The following FAM199X variants were observed in gnomAD, a reference collection of about 807,000 sequenced individuals.
The protein encoded by FAM199X is protein FAM199X.
FAM199X carries 4 observed loss-of-function variants against 22.9 expected under a neutral mutation model. That is an observed-to-expected ratio of 0.17 (90% confidence interval 0.09 to 0.40). The LOEUF (loss-of-function observed/expected upper bound fraction) is 0.40, where lower values mean the gene tolerates loss of function less well. Among genes scored for constraint, FAM199X ranks in the 10% least tolerant of loss-of-function variants. The probability of loss-of-function intolerance (pLI) is 1.00; values close to 1 mark genes in which losing one functional copy is unlikely to be tolerated. For synonymous variants in FAM199X, 101 were observed against 112.3 expected (o/e 0.90, Z 0.64); for missense variants, 183 against 306.8 (o/e 0.60, Z 3.01).
intron 2 of FAM199X, among the ~76,000 whole-genome samples, chrX:104,181,320 G>A (rs1169012817): frequency 8.9e-6 from 1 of 112,170 alleles, no homozygotes; most frequent in Non-Finnish European, 1.9e-5. Context: ...CTGAAATATA[G>A]TATCAGTTAT....
intron 1 of FAM199X, among the ~76,000 whole-genome samples, chrX:104,169,200 T>A (rs1921291731): frequency 9.0e-6 from 1 of 111,667 alleles, no homozygotes; most frequent in Non-Finnish European, 1.9e-5. Flanking sequence ...TATTTTGGAG[T>A]TGTATGTGTC....
In FAM199X at chrX:104,166,781, C is replaced by A. The variant is rs1556374006; in HGVS notation, c.-5C>A. The A allele has an allele frequency of 8.3e-7, 1 of 1,200,055 alleles. No homozygotes were observed. The highest frequency in any genetic ancestry group is 1.1e-6 in the Non-Finnish European group (1 of 890,015). ...GAGGGAGCCCGAGCCAGGCCATCTC[C>A]AACCATGTCCGACGAGGCCTCGGCC... On this transcript the variant is annotated 5_prime_UTR_variant, in exon 1 of 6. Transcript: ENST00000493442.
intron 2 of FAM199X, among the ~76,000 whole-genome samples, chrX:104,184,647 G>A (rs1921749587): frequency 9.0e-6 from 1 of 110,799 alleles, no homozygotes; most frequent in Admixed American, 9.6e-5. Flanking sequence ...TTGATTTTCT[G>A]TATGTTAGGC....
At chrX:104,184,513 A>G (rs902591992) in intron 2 of FAM199X, among the ~76,000 whole-genome samples, 1 of 111,993 alleles carries the variant, frequency 8.9e-6, no homozygotes. Flanking sequence ...TTTGGAGGTA[A>G]TGGATATATT....
rs191958744 is a variant in FAM199X, at chrX:104,174,961, G to A, written c.198-662G>A. Among the ~76,000 whole-genome samples the A allele has an allele frequency of 2.8e-3, 316 of 111,724 alleles. 3 individuals carry two copies. The highest frequency in any genetic ancestry group is 4.7e-3 in the Non-Finnish European group (251 of 53,113). On this transcript the variant is annotated intron_variant, in intron 1 of 5. Coordinates refer to ENST00000493442, the MANE Select transcript of FAM199X (RefSeq NM_207318.4). ...AAATACTTCTTGAACATCTACCTGT[G>A]TAGATGCTTGTTAGTGCTTTTCTCT...
chrX:104,174,880 A>G (rs1556376103), intron 1 of FAM199X, among the ~76,000 whole-genome samples: 5 of 112,088 alleles, frequency 4.5e-5, no homozygotes, highest in South Asian at 3.7e-4. Context: ...TTTCTTTCCA[A>G]CATCTTTGCA....
At chrX:104,185,996 T>C (rs927732344) in intron 2 of FAM199X, 70 bp from the exon 3 acceptor site, 2 of 990,013 alleles carry the variant, frequency 2.0e-6, no homozygotes, top group East Asian at 3.1e-5. Context: ...GGAAAATATA[T>C]TGTAGTATTT....
chrX:104,173,301 G>A (rs1226140091), intron 1 of FAM199X, among the ~76,000 whole-genome samples: 2 of 111,913 alleles, frequency 1.8e-5, no homozygotes, highest in African/African-American at 6.5e-5. Context: ...AGCATGTGAT[G>A]AAAGTAATAT....
At chrX:104,174,609 T>C (rs1921444244) in intron 1 of FAM199X, among the ~76,000 whole-genome samples, 1 of 111,576 alleles carries the variant, frequency 9.0e-6, no homozygotes, top group East Asian at 2.8e-4. Flanking sequence ...TATGTATCAT[T>C]GGGGAATAAA....
intron 2 of FAM199X, among the ~76,000 whole-genome samples, chrX:104,180,299 T>C (rs1556377548): frequency 9.4e-6 from 1 of 106,413 alleles, no homozygotes; most frequent in African/African-American, 3.4e-5. Flanking sequence ...TTTTTTTTTT[T>C]TTTTTTTTTT....
chrX:104,166,765 C>G lies in FAM199X; in HGVS notation c.-21C>G. ...GCAGCCCAGGGCCAGAGAGGGAGCC[C>G]GAGCCAGGCCATCTCCAACCATGTC... On this transcript the variant is annotated 5_prime_UTR_variant, in exon 1 of 6. Transcript: ENST00000493442. 1 of 1,190,173 alleles carries G rather than the reference C, an allele frequency of 8.4e-7. No individual in the cohort carries two copies. Among genetic ancestry groups the G allele is most frequent in the Non-Finnish European group, 1.1e-6 (1 of 884,765 alleles).
intron 5 of FAM199X, among the ~76,000 whole-genome samples, chrX:104,188,516 T>C (rs1475583492): frequency 9.0e-6 from 1 of 111,448 alleles, no homozygotes; most frequent in Non-Finnish European, 1.9e-5. Context: ...CATATTGCAT[T>C]CAATCTTACC....
the FAM199X span, among the ~76,000 whole-genome samples, chrX:104,158,401 A>G: frequency 3.6e-5 from 4 of 112,058 alleles, no homozygotes; most frequent in Admixed American, 3.8e-4. Flanking sequence ...ACTGAAGACC[A>G]CTGGGGATAA....
At chrX:104,164,679 G>T (rs782194321), upstream of FAM199X, among the ~76,000 whole-genome samples, 3 of 110,633 alleles carry the variant, frequency 2.7e-5, no homozygotes, top group South Asian at 1.2e-3. Flanking sequence ...TCAGGAGTTC[G>T]AAACCAGCCT....
intron 2 of FAM199X, among the ~76,000 whole-genome samples, chrX:104,178,677 C>T (rs1255018250): frequency 1.8e-5 from 2 of 111,662 alleles, no homozygotes; most frequent in African/African-American, 6.5e-5. Flanking sequence ...GGCACCCTTT[C>T]GAAAATGAAT....
At chrX:104,174,778 A>G (rs1284979038) in intron 1 of FAM199X, among the ~76,000 whole-genome samples, 1 of 112,187 alleles carries the variant, frequency 8.9e-6, no homozygotes, top group Non-Finnish European at 1.9e-5. Flanking sequence ...ATTCTGTAAA[A>G]AATATGTATG....
At position 104,188,021 on chromosome X, in the gene FAM199X, T is replaced by A; in HGVS notation, c.730-19T>A. ...CATCAAGGTGCAACACTAACCAGTT[T>A]GTGTTTGTGCATCCCAAGGTCAGAA... is the stretch of plus-strand genomic sequence containing the variant. On this transcript the variant is annotated intron_variant, in intron 4 of 5. Coordinates refer to ENST00000493442, the MANE Select transcript of FAM199X (RefSeq NM_207318.4). 1 of 1,203,654 alleles carries A rather than the reference T, an allele frequency of 8.3e-7. No individual in the cohort carries two copies.
rs1164283639 is a variant in FAM199X at position 104,186,219 on chromosome X, A to G, written c.567+4A>G. On this transcript the variant is annotated splice_donor_region_variant and intron_variant, in intron 3 of 5. Transcript: ENST00000493442. ...TGCAATGACAAATGATGAGCAGGTA[A>G]AGATCTTGACATTCTTAATTAAAAG... 2 of 1,203,368 alleles carry G rather than the reference A, an allele frequency of 1.7e-6. No individual in the cohort carries two copies. The highest frequency in any genetic ancestry group is 2.2e-6 in the Non-Finnish European group (2 of 893,679).
chrX:104,161,596 A>G (rs28721270), upstream of FAM199X, among the ~76,000 whole-genome samples: 235 of 111,535 alleles, frequency 2.1e-3, 2 homozygotes, highest in African/African-American at 7.3e-3. Flanking sequence ...ACCCCTGTAC[A>G]ATTTGGGAGG....
Sources: allele counts gnomAD v4.1 joint callset (sites outside exome capture counted in the v4.1 genomes callset), GRCh38; gene constraint gnomAD v4.1.1; transcripts MANE v1.5; gene names NCBI Gene and HGNC (gene_info 2026-07-23, HGNC 2026-07-21).